Variants in FRMD3 observed in about 807,000 individuals in gnomAD.
FRMD3 encodes the protein FERM domain containing 3, also known as FERM domain-containing protein 3.
In FRMD3, 33 loss-of-function variants were observed where a neutral mutation model predicts 70.2. That is an observed-to-expected ratio of 0.47 (90% CI 0.36 to 0.63). The LOEUF (loss-of-function observed/expected upper bound fraction) is 0.63, where lower values mean the gene tolerates loss of function less well. Among genes scored for constraint, FRMD3 ranks in the 20% least tolerant of loss-of-function variants. The pLI is 0.00. For synonymous variants in FRMD3, 279 were observed against 255.9 expected (o/e 1.09, Z -0.86); for missense variants, 632 against 711.4 (o/e 0.89, Z 1.27).
rs1426995647 is a variant in FRMD3 at position 83,342,423 on chromosome 9, A to T, written c.472+767T>A. Among the ~76,000 whole-genome samples, 3 of 152,308 alleles carry T rather than the reference A, an allele frequency of 2.0e-5. No homozygotes were observed. In the East Asian group the frequency reaches 5.8e-4, roughly 29 times the overall value. The stretch of plus-strand genomic sequence containing the variant: ...GGTGCAGAGTGGTCTCTGAAATCAC[A>T]TGGCAAGGAAGGGAGGATGACTATC... On this transcript the variant is annotated intron_variant, in intron 5 of 13. Coordinates refer to ENST00000304195, the MANE Select transcript of FRMD3 (RefSeq NM_174938.6).
chr9:83,307,024 T>C (rs543662098), intron 10 of FRMD3, among the ~76,000 whole-genome samples: 6 of 152,182 alleles, frequency 3.9e-5, no homozygotes, highest in Admixed American at 2.0e-4. Context: ...AAAATAGAAA[T>C]CAGATCTAGT....
chr9:83,520,409 T>C (rs1829546040), intron 1 of FRMD3, among the ~76,000 whole-genome samples: 1 of 152,244 alleles, frequency 6.6e-6, no homozygotes, highest in Non-Finnish European at 1.5e-5. Flanking sequence ...ATGTATGTAA[T>C]GCAAAGCTTC....
intron 1 of FRMD3, among the ~76,000 whole-genome samples, chr9:83,437,141 T>C (rs56658338): frequency 0.12 from 17,864 of 152,248 alleles, 1,135 homozygotes; most frequent in South Asian, 0.15. Flanking sequence ...CCTGATGCTT[T>C]AGGGAGGCAA....
At chr9:83,441,756 GGTT>G (rs1827302352) in intron 1 of FRMD3, among the ~76,000 whole-genome samples, 1 of 152,054 alleles carries the variant, frequency 6.6e-6, no homozygotes, top group Non-Finnish European at 1.5e-5. Flanking sequence ...ACCCTCCCTC[GGTT>G]GTTATCTGCG....
At chr9:83,454,887 T>G (rs2131424272) in intron 1 of FRMD3, among the ~76,000 whole-genome samples, 1 of 152,330 alleles carries the variant, frequency 6.6e-6, no homozygotes, top group Non-Finnish European at 1.5e-5. Context: ...AGATCATTGA[T>G]GCCTATATTG....
chr9:83,452,534 T>C (rs1827694166), intron 1 of FRMD3, among the ~76,000 whole-genome samples: 1 of 152,052 alleles, frequency 6.6e-6, no homozygotes, highest in African/African-American at 2.4e-5. Flanking sequence ...CAGGCTGGAG[T>C]GCAGTGGTGC....
At chr9:83,334,337 TTATCTC>T (rs1823504061) in intron 6 of FRMD3, among the ~76,000 whole-genome samples, 1 of 152,172 alleles carries the variant, frequency 6.6e-6, no homozygotes, top group South Asian at 2.1e-4. Context: ...CTAATCATCT[TTATCTC>T]TAAGACTAAG....
chr9:83,400,865 A>G (rs1248277306), intron 1 of FRMD3, among the ~76,000 whole-genome samples: 1 of 152,208 alleles, frequency 6.6e-6, no homozygotes, highest in Non-Finnish European at 1.5e-5. Flanking sequence ...TTATTAATCA[A>G]TGCTTCCTGA....
chr9:83,282,452 T>A (rs1304214055), intron 13 of FRMD3, among the ~76,000 whole-genome samples: 2 of 152,042 alleles, frequency 1.3e-5, no homozygotes, highest in Non-Finnish European at 2.9e-5. Flanking sequence ...TCCTCAACAT[T>A]CCCTTTAACT....
At chr9:83,414,054 T>G (rs1414887176) in intron 1 of FRMD3, among the ~76,000 whole-genome samples, 1 of 151,942 alleles carries the variant, frequency 6.6e-6, no homozygotes, top group East Asian at 1.9e-4. Flanking sequence ...TCAAATAAAA[T>G]TCACGCAACA....
At chr9:83,285,501 T>C (rs551373318) in intron 13 of FRMD3, among the ~76,000 whole-genome samples, 6 of 152,314 alleles carry the variant, frequency 3.9e-5, no homozygotes, top group Admixed American at 2.6e-4. Flanking sequence ...TTTCAACTCT[T>C]ATTTATTATA....
upstream of FRMD3, among the ~76,000 whole-genome samples, chr9:83,543,469 G>C (rs1212534775): frequency 1.3e-5 from 2 of 152,144 alleles, no homozygotes; most frequent in East Asian, 1.9e-4. Flanking sequence ...TGGGCTGTCA[G>C]CAACCCCCAA....
At chr9:83,406,424 C>G (rs1266068999) in intron 1 of FRMD3, among the ~76,000 whole-genome samples, 1 of 152,226 alleles carries the variant, frequency 6.6e-6, no homozygotes, top group Non-Finnish European at 1.5e-5. Flanking sequence ...CACTGCAGAA[C>G]TTATACATAT....
chr9:83,248,527 A>T lies in FRMD3; in HGVS notation c.1196-11T>A, dbSNP rs753096664. 6.5e-7 allele frequency: 1 copy of T among 1,534,708 alleles called. No homozygotes were observed. Among genetic ancestry groups the T allele is most frequent in the East Asian group, 2.3e-5 (1 of 43,872 alleles). The stretch of plus-strand genomic sequence containing the variant: ...TAGGCAATGGAACACCTGTAAAGAG[A>T]CATTTTTTTTTCTAAATTTAAAATT... On this transcript the variant is annotated splice_polypyrimidine_tract_variant and intron_variant, in intron 13 of 13. Coordinates refer to ENST00000304195, the MANE Select transcript of FRMD3 (RefSeq NM_174938.6).
intron 3 of FRMD3, among the ~76,000 whole-genome samples, chr9:83,369,922 T>C (rs958173835): frequency 1.3e-5 from 2 of 152,214 alleles, no homozygotes; most frequent in African/African-American, 4.8e-5. Flanking sequence ...TAAATCTTTC[T>C]AAACTGAGAA....
chr9:83,457,833 T>A (rs1391718444), intron 1 of FRMD3, among the ~76,000 whole-genome samples: 2 of 152,120 alleles, frequency 1.3e-5, no homozygotes, highest in African/African-American at 4.8e-5. Flanking sequence ...ATGATGAGTA[T>A]GTTATCTTTA....
chr9:83,568,939 GATAGATAGATAGATAGATAC>G, the FRMD3 span, among the ~76,000 whole-genome samples: 4 of 122,372 alleles, frequency 3.3e-5, no homozygotes, highest in Non-Finnish European at 7.2e-5. Context: ...TAGATAGATA[GATAGATAGATAGATAGATAC>G]ATACATACAT....
intron 1 of FRMD3, among the ~76,000 whole-genome samples, chr9:83,508,857 G>C (rs151023872): frequency 8.0e-4 from 122 of 152,212 alleles, no homozygotes; most frequent in South Asian, 2.9e-3. Context: ...ATGACTTGTT[G>C]AGTAGCTGGC....
At chr9:83,561,897 C>T in the FRMD3 span, among the ~76,000 whole-genome samples, 1 of 152,234 alleles carries the variant, frequency 6.6e-6, no homozygotes, top group Non-Finnish European at 1.5e-5. Context: ...TCTATCTGCA[C>T]TCTCTAAGCT....
Sources: gnomAD v4.1 joint callset for allele counts (sites outside exome capture counted in the v4.1 genomes callset) on GRCh38, gnomAD v4.1.1 for gene constraint, MANE v1.5 for transcripts, NCBI Gene and HGNC (gene_info 2026-07-23, HGNC 2026-07-21) for gene names.